Variants in THADA observed in about 807,000 individuals in gnomAD.
THADA encodes THADA armadillo repeat containing, also known as tRNA (32-2'-O)-methyltransferase regulator THADA.
THADA carries 213 observed loss-of-function variants against 219.8 expected under a neutral mutation model. That is an observed-to-expected ratio of 0.97 (90% CI 0.87 to 1.09). THADA has a LOEUF of 1.09. THADA is among the 50% of genes least tolerant of loss of function. The probability of loss-of-function intolerance (pLI) is 0.00; values close to 1 mark genes in which losing one functional copy is unlikely to be tolerated. For missense variants in THADA, 2,956 were observed against 2,311.3 expected (o/e 1.28, Z -5.72); for synonymous variants, 1,018 against 828.9 (o/e 1.23, Z -3.92).
intron 28 of THADA, among the ~76,000 whole-genome samples, chr2:43,409,553 C>T (rs922778822): frequency 6.6e-6 from 1 of 152,102 alleles, no homozygotes; most frequent in Admixed American, 6.6e-5. Context: ...TGACATCCTC[C>T]TTTGGTTATC....
chr2:43,540,003 C>G (rs1337560622), intron 21 of THADA, among the ~76,000 whole-genome samples: 1 of 152,146 alleles, frequency 6.6e-6, no homozygotes, highest in East Asian at 1.9e-4. Flanking sequence ...CACTACCCAA[C>G]AAACCCAAAA....
At chr2:43,252,882 T>TC (rs1166587337) in intron 36 of THADA, among the ~76,000 whole-genome samples, 1 of 152,214 alleles carries the variant, frequency 6.6e-6, no homozygotes, top group Non-Finnish European at 1.5e-5. Flanking sequence ...AGCTGGAATC[T>TC]CCATGTCCTC....
intron 3 of THADA, among the ~76,000 whole-genome samples, chr2:43,591,510 G>T (rs1028949442): frequency 1.3e-5 from 2 of 151,230 alleles, no homozygotes; most frequent in African/African-American, 4.9e-5. Context: ...TTACAGTAAA[G>T]AACAGCTGTA....
At chr2:43,328,570 G>A (rs779388563) in intron 30 of THADA, among the ~76,000 whole-genome samples, 1 of 152,222 alleles carries the variant, frequency 6.6e-6, no homozygotes, top group African/African-American at 2.4e-5. Flanking sequence ...CATGCACAAA[G>A]TGAGAGACCG....
Position 43,279,297 on chromosome 2 carries a change from T to C in THADA, c.5296+468A>G, listed in dbSNP as rs951866058. On this transcript the variant is annotated intron_variant, in intron 36 of 37. Coordinates refer to ENST00000405975, the MANE Select transcript of THADA (RefSeq NM_022065.5). ...TCAAATGAGCAGCTAGGACACAAAG[T>C]AGAGAAACTTAACGTACACATAATC... Among the ~76,000 whole-genome samples the C allele has an allele frequency of 2.6e-5, 4 of 152,256 alleles. No individual in the cohort carries two copies. In the South Asian group the frequency reaches 8.3e-4, roughly 32 times the overall value.
At chr2:43,545,569 C>G (rs1695914140) in intron 20 of THADA, among the ~76,000 whole-genome samples, 1 of 152,152 alleles carries the variant, frequency 6.6e-6, no homozygotes, top group Admixed American at 6.5e-5. Context: ...TTGGTCTATT[C>G]AGAGATTCAA....
Position 43,570,654 on chromosome 2 carries a change from G to C in THADA, c.2065-144C>G, listed in dbSNP as rs935409885. The C allele has an allele frequency of 2.6e-5, 23 of 883,010 alleles. No individual in the cohort carries two copies. In the Admixed American group the frequency reaches 5.3e-4, roughly 20 times the overall value. The allele number at this position is 883,010 out of a possible 1,614,324, so 54.7% of individuals were successfully genotyped here. A position where few individuals can be genotyped will look rare whatever the true frequency, so the allele number is the denominator to read the frequency against. Reference sequence around the variant, plus strand: ...TTAATATTTTATAATGTTTCTTTTTGACAGAAAATAATTTTTATACCAAAA... The same window carrying C: ...TTAATATTTTATAATGTTTCTTTTTCACAGAAAATAATTTTTATACCAAAA... On this transcript the variant is annotated intron_variant, in intron 13 of 37. Coordinates refer to ENST00000405975, the MANE Select transcript of THADA (RefSeq NM_022065.5).
rs77719370 is a variant in THADA, at chr2:43,529,312, G to A, written c.3265-1324C>T. On this transcript the variant is annotated intron_variant, in intron 21 of 37. Coordinates refer to ENST00000405975, the MANE Select transcript of THADA (RefSeq NM_022065.5). ...GCCTCCTGAGCAGCTAGGACTGTAA[G>A]TGTATGTCACCAAACCCACCTAATT... 1.9e-3 allele frequency among the ~76,000 whole-genome samples: 293 copies of A among 152,226 alleles called. 8 individuals carry two copies. In the East Asian group the frequency reaches 0.053, roughly 28 times the overall value.
intron 20 of THADA, among the ~76,000 whole-genome samples, chr2:43,547,905 T>A (rs1696243502): frequency 6.6e-6 from 1 of 152,232 alleles, no homozygotes; most frequent in Admixed American, 6.5e-5. Flanking sequence ...CCGTTGCTGG[T>A]GAGGAGCTGC....
chr2:43,448,950 T>C lies in THADA; in HGVS notation c.3837-18648A>G, dbSNP rs200029974. Reference sequence around the variant, plus strand: ...AGGCATACAAAGAAACAGGGAAAGATAGCCAATTCAAAGGGGGGGCGGGGA... The same window carrying C: ...AGGCATACAAAGAAACAGGGAAAGACAGCCAATTCAAAGGGGGGGCGGGGA... On this transcript the variant is annotated intron_variant, in intron 26 of 37. Coordinates refer to ENST00000405975, the MANE Select transcript of THADA (RefSeq NM_022065.5). Among the ~76,000 whole-genome samples, 13 of 152,074 alleles carry C rather than the reference T, an allele frequency of 8.5e-5. No homozygotes were observed. In the East Asian group the frequency reaches 9.7e-4, roughly 11 times the overall value.
intron 25 of THADA, among the ~76,000 whole-genome samples, chr2:43,489,701 C>G (rs1008519130): frequency 1.3e-5 from 2 of 151,948 alleles, no homozygotes; most frequent in African/African-American, 4.8e-5. Context: ...ACAATCAATC[C>G]TAATCTGCTG....
intron 11 of THADA, among the ~76,000 whole-genome samples, chr2:43,573,598 G>A (rs1451386303): frequency 6.6e-6 from 1 of 152,104 alleles, no homozygotes; most frequent in East Asian, 1.9e-4. Flanking sequence ...ACAAATAATG[G>A]CTTATTTTTG....
Position 43,590,905 on chromosome 2 carries a change from G to C in THADA, c.221C>G (p.Thr74Ser). ...TAAGATATCCAAACAACTTTGAATA[G>C]TGGGATCACACATGCCATTTTTATC... ...KADKNGMCDP[T>S]IQSCLDILAG... The change falls in exon 4 of 38, where the codon ACT becomes AGT. Residue 74 changes from threonine to serine, a missense_variant. Thr to Ser is a moderately conservative substitution (Grantham distance 58). Coordinates refer to ENST00000405975, the MANE Select transcript of THADA (RefSeq NM_022065.5). 1.9e-6 allele frequency: 3 copies of C among 1,613,448 alleles called. No homozygotes were observed. The highest frequency in any genetic ancestry group is 2.5e-6 in the Non-Finnish European group (3 of 1,179,454).
chr2:43,554,370 C>T (rs1230063947), intron 17 of THADA, among the ~76,000 whole-genome samples: 1 of 152,006 alleles, frequency 6.6e-6, no homozygotes, highest in East Asian at 1.9e-4. Flanking sequence ...CCCCTCAACG[C>T]CTTGGAAGGA....
chr2:43,533,591 G>A (rs983422595), intron 21 of THADA, among the ~76,000 whole-genome samples: 1 of 152,156 alleles, frequency 6.6e-6, no homozygotes, highest in African/African-American at 2.4e-5. Context: ...TCCTTTGCAG[G>A]GACTTGGATG....
intron 28 of THADA, among the ~76,000 whole-genome samples, chr2:43,426,012 A>C (rs1471226276): frequency 1.3e-5 from 2 of 152,204 alleles, no homozygotes; most frequent in Non-Finnish European, 2.9e-5. Flanking sequence ...TACTGGAAGA[A>C]AGCAACTACA....
intron 26 of THADA, among the ~76,000 whole-genome samples, chr2:43,482,397 C>T (rs533014356): frequency 6.6e-6 from 1 of 152,200 alleles, no homozygotes; most frequent in South Asian, 2.1e-4. Context: ...GACTGTTCTA[C>T]GGCACTGGGA....
intron 8 of THADA, among the ~76,000 whole-genome samples, chr2:43,578,942 C>A (rs557879689): frequency 6.6e-6 from 1 of 152,314 alleles, no homozygotes; most frequent in Admixed American, 6.5e-5. Context: ...GGCGATTCTC[C>A]TGCCTCAGCC....
chr2:43,424,117 C>T (rs1678100879), intron 28 of THADA, among the ~76,000 whole-genome samples: 1 of 152,028 alleles, frequency 6.6e-6, no homozygotes. Flanking sequence ...TAAGTTCTGT[C>T]CCAAGAGGAT....
Sources: gnomAD v4.1 joint callset for allele counts (sites outside exome capture counted in the v4.1 genomes callset) on GRCh38, gnomAD v4.1.1 for gene constraint, MANE v1.5 for transcripts, NCBI Gene and HGNC (gene_info 2026-07-23, HGNC 2026-07-21) for gene names.